Variants in SPG11 observed in about 807,000 individuals in gnomAD.
The protein encoded by SPG11 is SPG11 vesicle trafficking associated, spatacsin, also known as spatacsin.
A neutral mutation model predicts 274.0 loss-of-function variants in SPG11; 222 were observed. The ratio of observed to expected loss-of-function variants is 0.81; its 90% CI spans 0.73 to 0.91. The LOEUF (loss-of-function observed/expected upper bound fraction) is 0.91, where lower values mean the gene tolerates loss of function less well. Among genes scored for constraint, SPG11 ranks in the 40% least tolerant of loss-of-function variants. SPG11 has a pLI of 0.00. For missense variants in SPG11, 3,114 were observed against 2,872.7 expected (o/e 1.08, Z -1.92); for synonymous variants, 1,144 against 1,039.7 (o/e 1.10, Z -1.93).
At position 44,660,419 on chromosome 15, in the gene SPG11, T is replaced by G. The variant is rs774309056; in HGVS notation, c.442+13A>C. On this transcript the variant is annotated intron_variant, in intron 2 of 39. Coordinates refer to ENST00000261866, the MANE Select transcript of SPG11 (RefSeq NM_025137.4). Reference sequence around the variant, plus strand: ...AATTTAAATATGCTGAAAGACCACCTGTAGATACTTACTGATATCTTGATC... The same window carrying G: ...AATTTAAATATGCTGAAAGACCACCGGTAGATACTTACTGATATCTTGATC... 3 of 1,610,960 alleles carry G rather than the reference T, an allele frequency of 1.9e-6. No homozygotes were observed. The Admixed American group carries it at 5.0e-5, about 27-fold the overall frequency.
chr15:44,637,731 T>G (rs1162628848), intron 7 of SPG11, among the ~76,000 whole-genome samples: 1 of 152,234 alleles, frequency 6.6e-6, no homozygotes, highest in Non-Finnish European at 1.5e-5. Context: ...TCCCATAAGA[T>G]TATCATAGAG....
Position 44,661,718 on chromosome 15 carries a change from G to A in SPG11, c.258-1102C>T, listed in dbSNP as rs1480719276. Among the ~76,000 whole-genome samples the A allele has an allele frequency of 2.6e-5, 4 of 152,090 alleles. No individual in the cohort carries two copies. The East Asian group carries it at 5.8e-4, about 22-fold the overall frequency. ...TAAACTAAGATATACTTAAAAGGTA[G>A]AGTACATCATTAGCATAGGGACAAT... On this transcript the variant is annotated intron_variant, in intron 1 of 39. Transcript: ENST00000261866.
chr15:44,615,327 G>C (rs757270541), intron 16 of SPG11, 36 bp downstream of exon 16: 1 of 1,594,444 alleles, frequency 6.3e-7, no homozygotes, highest in Non-Finnish European at 8.6e-7. Context: ...AAAATGTGAA[G>C]ACCTGCTCAA....
intron 8 of SPG11, among the ~76,000 whole-genome samples, chr15:44,631,264 T>C (rs1197771087): frequency 3.3e-5 from 5 of 152,192 alleles, no homozygotes. Flanking sequence ...TGGTAAATTA[T>C]GGTACAGCCC....
chr15:44,633,580 T>C lies in SPG11; in HGVS notation c.1660A>G (p.Asn554Asp). The C allele has an allele frequency of 1.9e-6, 3 of 1,613,424 alleles. No individual in the cohort carries two copies. Among genetic ancestry groups the C allele is most frequent in the Non-Finnish European group, 2.5e-6 (3 of 1,179,568 alleles). Reference sequence around the variant, plus strand: ...GATTTTGAGGATGGATTAAAAAGATTTTCCTTGCTCTTCAAAAAGAAATTT... The same window carrying C: ...GATTTTGAGGATGGATTAAAAAGATCTTCCTTGCTCTTCAAAAAGAAATTT... ...TVNFFLKSKE[N>D]LFNPSSKSSV... The change falls in exon 8 of 40, where the codon AAT (asparagine) becomes GAT (aspartate). Residue 554 changes from asparagine (N) to aspartate (D), a missense_variant. Physicochemically the swap from Asn to Asp is conservative, Grantham distance 23 (BLOSUM62 1). Coordinates refer to ENST00000261866, the MANE Select transcript of SPG11 (RefSeq NM_025137.4).
intron 30 of SPG11, among the ~76,000 whole-genome samples, chr15:44,583,435 G>A (rs1171246511): frequency 6.6e-6 from 1 of 151,982 alleles, no homozygotes; most frequent in Non-Finnish European, 1.5e-5. Flanking sequence ...TCCAGCCTGG[G>A]CGACAAGAAT....
intron 33 of SPG11, 150 bp from the exon 34 acceptor site, chr15:44,570,808 C>G (rs112229308): frequency 6.3e-6 from 6 of 945,284 alleles, no homozygotes; most frequent in Middle Eastern, 3.2e-4. Context: ...CTGAACTTAG[C>G]AGCTGTAGCT....
At chr15:44,576,610 C>G (rs976644052) in intron 30 of SPG11, among the ~76,000 whole-genome samples, 1 of 150,064 alleles carries the variant, frequency 6.7e-6, no homozygotes, top group African/African-American at 2.5e-5. Flanking sequence ...GATTGCGCCA[C>G]TGCACTCCAG....
chr15:44,631,096 TA>T (rs1430618993), intron 8 of SPG11, among the ~76,000 whole-genome samples: 1 of 152,188 alleles, frequency 6.6e-6, no homozygotes, highest in Non-Finnish European at 1.5e-5. Context: ...TGCATACTCT[TA>T]AACCTGGAAA....
At chr15:44,577,310 C>G (rs141851530) in intron 30 of SPG11, among the ~76,000 whole-genome samples, 5 of 151,902 alleles carry the variant, frequency 3.3e-5, no homozygotes, top group Non-Finnish European at 2.9e-5. Flanking sequence ...TGAGGCCAGC[C>G]TGGGCAACAC....
At chr15:44,594,596 GA>G (rs35547796) in intron 26 of SPG11, among the ~76,000 whole-genome samples, 24,471 of 71,064 alleles carry the variant, frequency 0.34, 3,021 homozygotes, top group East Asian at 0.5. Context: ...TTAAAAATGC[GA>G]AAAAAAAAAA....
chr15:44,593,278 C>CCTTGACCTCACT (rs2082949151), intron 26 of SPG11, among the ~76,000 whole-genome samples: 1 of 152,066 alleles, frequency 6.6e-6, no homozygotes, highest in Non-Finnish European at 1.5e-5. Context: ...TCACTCACTA[C>CCTTGACCTCACT]AGCCTTGACC....
chr15:44,598,808 CA>C lies in SPG11; in HGVS notation c.3714del (p.Tyr1238Ter). On this transcript the variant is annotated frameshift_variant, in exon 22 of 40. Transcript: ENST00000261866. LOFTEE classifies it high-confidence loss of function. ...QLIQQVGNEAYVIGLSSFHIP... is the reference protein window; with the variant it reads ...QLIQQVGNEAXVIGLSSFHIP... The stretch of plus-strand genomic sequence containing the variant: ...ATGTGGAAGGAGGAGAGCCCTATAA[CA>C]TAGGCTTCATTGCCTACTTGCTGGA... 6.2e-7 allele frequency: 1 copy of C among 1,614,198 alleles called. No individual in the cohort carries two copies. The highest frequency in any genetic ancestry group is 1.6e-4 in the Middle Eastern group (1 of 6,062).
chr15:44,567,255 G>A, intron 36 of SPG11, 169 bp downstream of exon 36: 1 of 624,834 alleles, frequency 1.6e-6, no homozygotes, highest in East Asian at 3.3e-5. Flanking sequence ...GGAGGCTGAG[G>A]CGGGAGAATC....
intron 17 of SPG11, among the ~76,000 whole-genome samples, chr15:44,611,477 CTCA>C (rs2083458792): frequency 6.6e-6 from 1 of 152,058 alleles, no homozygotes; most frequent in Non-Finnish European, 1.5e-5. Flanking sequence ...TTTAAAAAAA[CTCA>C]TCATCAAGCA....
At chr15:44,592,588 C>G in intron 26 of SPG11, 150 bp from the exon 27 acceptor site, 17 of 656,804 alleles carry the variant, frequency 2.6e-5, no homozygotes, top group Non-Finnish European at 4.4e-5. Flanking sequence ...GGAAGCCGAG[C>G]CAGTGGGATC....
At position 44,651,889 on chromosome 15, in the gene SPG11, T is replaced by C. The variant is rs769015788; in HGVS notation, c.1058A>G (p.Lys353Arg). 2 of 1,613,062 alleles carry C rather than the reference T, an allele frequency of 1.2e-6. No homozygotes were observed. Among genetic ancestry groups the C allele is most frequent in the Admixed American group, 1.7e-5 (1 of 59,892 alleles). The change falls in exon 6 of 40, where the codon AAA becomes AGA. Residue 353 changes from lysine (K) to arginine (R), a missense_variant. Transcript: ENST00000261866. ...TGGAGCACAACAGGAAACCTCCAGT[T>C]TGGAGTTCTTTATTGTTTCATTCAA... ...SSLNETIKNS[K>R]LEVSCCAPWF...
chr15:44,652,650 CTTTT>C (rs953635040), intron 4 of SPG11, among the ~76,000 whole-genome samples: 1 of 148,292 alleles, frequency 6.7e-6, no homozygotes, highest in African/African-American at 2.6e-5. Flanking sequence ...TCAAGTCTAG[CTTTT>C]TTTCTTTTTT....
At position 44,648,913 on chromosome 15, in the gene SPG11, G is replaced by A; in HGVS notation, c.1555C>T (p.His519Tyr). The change falls in exon 7 of 40, where the codon CAT becomes TAT. Residue 519 changes from histidine (H) to tyrosine (Y), a missense_variant. His to Tyr is a moderately conservative substitution (Grantham distance 83, BLOSUM62 2). Coordinates refer to ENST00000261866, the MANE Select transcript of SPG11 (RefSeq NM_025137.4). ...GSASTVDTLC[H>Y]LNGWGRCSIP... ...GAGCACCTTCCCCAGCCATTGAGAT[G>A]ACAAAGAGTGTCCACAGTGCTGGCA... 6.2e-7 allele frequency: 1 copy of A among 1,614,100 alleles called. No homozygotes were observed. The highest frequency in any genetic ancestry group is 8.5e-7 in the Non-Finnish European group (1 of 1,179,988).
Sources: gnomAD v4.1 joint callset for allele counts (sites outside exome capture counted in the v4.1 genomes callset) on GRCh38, gnomAD v4.1.1 for gene constraint, MANE v1.5 for transcripts, NCBI Gene and HGNC (gene_info 2026-07-23, HGNC 2026-07-21) for gene names.